The following SLC6A6 variants were observed in gnomAD, a reference collection of about 807,000 sequenced individuals.
The protein encoded by SLC6A6 is sodium- and chloride-dependent taurine transporter.
SLC6A6 carries 16 observed loss-of-function variants against 68.8 expected under a neutral mutation model. That is an observed-to-expected ratio of 0.23 (90% confidence interval 0.16 to 0.35). SLC6A6 has a LOEUF of 0.35. SLC6A6 is among the 10% of genes least tolerant of loss of function. The pLI is 1.00. For synonymous variants in SLC6A6, 312 were observed against 315.4 expected (o/e 0.99, Z 0.12); for missense variants, 474 against 802.8 (o/e 0.59, Z 4.95).
At position 14,466,617 on chromosome 3, in the gene SLC6A6, G is replaced by A. The variant is rs766914573; in HGVS notation, c.834G>A (p.Leu278=). The change falls in exon 7 of 15, where the codon CTG becomes CTA. Residue 278 remains leucine (L), a synonymous_variant. Coordinates refer to ENST00000622186, the MANE Select transcript of SLC6A6 (RefSeq NM_003043.6). ...CGGGCGCAGGCATCAAGTTCTATCT[G>A]TATCCTGACATCACCCGCCTTGAGG... is the stretch of plus-strand genomic sequence containing the variant. The part of the protein sequence containing the change: ...PGAGAGIKFY[L]YPDITRLEDP... 38 of 1,612,556 alleles carry A rather than the reference G, an allele frequency of 2.4e-5. No homozygotes were observed. In the South Asian group the frequency reaches 3.6e-4, roughly 15 times the overall value.
chr3:14,444,028 G>C (rs1325055274), intron 3 of SLC6A6, 165 bp downstream of exon 3: 2 of 606,694 alleles, frequency 3.3e-6, no homozygotes, highest in Admixed American at 2.8e-5. Context: ...CCCACCCTTA[G>C]AGACAGGGGA....
intron 5 of SLC6A6, among the ~76,000 whole-genome samples, chr3:14,454,407 C>CT (rs1345464163): frequency 6.6e-6 from 1 of 152,110 alleles, no homozygotes; most frequent in African/African-American, 2.4e-5. Context: ...CTACAGTTTA[C>CT]TGAGCACGCC....
At chr3:14,410,674 C>T (rs891887982) in intron 1 of SLC6A6, among the ~76,000 whole-genome samples, 7 of 152,216 alleles carry the variant, frequency 4.6e-5, no homozygotes, top group Non-Finnish European at 8.8e-5. Context: ...GGGTCCTTGC[C>T]GACCCAGAGG....
intron 1 of SLC6A6, among the ~76,000 whole-genome samples, chr3:14,410,570 G>C (rs116441806): frequency 0.01 from 1,526 of 152,304 alleles, 34 homozygotes; most frequent in African/African-American, 0.035. Context: ...GAGAAGGGTT[G>C]GGCTGGCAAT....
intron 2 of SLC6A6, among the ~76,000 whole-genome samples, chr3:14,440,467 A>T (rs1283686212): frequency 6.6e-6 from 1 of 152,042 alleles, no homozygotes; most frequent in Non-Finnish European, 1.5e-5. Flanking sequence ...AGATGGGGCC[A>T]GAGGGTCGGC....
intron 2 of SLC6A6, among the ~76,000 whole-genome samples, chr3:14,416,813 T>C (rs1370394381): frequency 1.3e-5 from 2 of 152,220 alleles, no homozygotes; most frequent in Middle Eastern, 3.2e-3. Context: ...ATTCTGAGGA[T>C]TGGGGTCTGA....
At chr3:14,471,267 G>T (rs769448669) in intron 9 of SLC6A6, among the ~76,000 whole-genome samples, 11 of 151,760 alleles carry the variant, frequency 7.2e-5, no homozygotes, top group Non-Finnish European at 1.3e-4. Flanking sequence ...GACAGGAGGA[G>T]ACATTTCTCT....
At position 14,485,168 on chromosome 3, in the gene SLC6A6, G is replaced by T; in HGVS notation, c.*161G>T. On this transcript the variant is annotated 3_prime_UTR_variant, in exon 15 of 15. Coordinates refer to ENST00000622186, the MANE Select transcript of SLC6A6 (RefSeq NM_003043.6). ...TGGGTATGTGTGCGTGCGTGTGTGT[G>T]TGTGTGTGTATCGTGTGTGTGTGTT... is the stretch of plus-strand genomic sequence containing the variant. 1 of 545,796 alleles carries T rather than the reference G, an allele frequency of 1.8e-6. No individual in the cohort carries two copies. Among genetic ancestry groups the T allele is most frequent in the Non-Finnish European group, 3.2e-6 (1 of 313,928 alleles). The allele number at this position is 545,796 out of a possible 1,614,324, so 33.8% of individuals were successfully genotyped here. A position where few individuals can be genotyped will look rare whatever the true frequency, so the allele number is the denominator to read the frequency against.
In SLC6A6 at chr3:14,402,962, G is replaced by C; in HGVS notation, c.-54+115G>C. 1 of 380,954 alleles carries C rather than the reference G, an allele frequency of 2.6e-6. No homozygotes were observed. The highest frequency in any genetic ancestry group is 4.6e-6 in the Non-Finnish European group (1 of 215,204). 23.6% of individuals were successfully genotyped at this position (380,954 alleles called of 1,614,324 possible). A position where few individuals can be genotyped will look rare whatever the true frequency, so the allele number is the denominator to read the frequency against. On this transcript the variant is annotated intron_variant, in intron 1 of 14. Coordinates refer to ENST00000622186, the MANE Select transcript of SLC6A6 (RefSeq NM_003043.6). The surrounding 1 kb of genome is among the most constrained non-coding windows in gnomAD (Gnocchi z 4.8). ...TCCTCCCCTCCGCGTGCGCCCATCC[G>C]GCGCCCCTTTCACCACCGCGGAAGG...
At chr3:14,483,964 G>A (rs1701075021) in intron 14 of SLC6A6, among the ~76,000 whole-genome samples, 1 of 152,150 alleles carries the variant, frequency 6.6e-6, no homozygotes, top group South Asian at 2.1e-4. Flanking sequence ...CGAAAACTGG[G>A]TTTTTAAATG....
At chr3:14,403,671 G>C (rs1465943947) in intron 1 of SLC6A6, among the ~76,000 whole-genome samples, 1 of 152,236 alleles carries the variant, frequency 6.6e-6, no homozygotes, top group Non-Finnish European at 1.5e-5. Flanking sequence ...CAGCCAAGGG[G>C]TAGTGGACAG....
At chr3:14,440,911 C>T (rs930214920) in intron 2 of SLC6A6, among the ~76,000 whole-genome samples, 1 of 152,116 alleles carries the variant, frequency 6.6e-6, no homozygotes, top group Admixed American at 6.5e-5. Flanking sequence ...TGACAGGTCC[C>T]CACTCTGCCC....
intron 2 of SLC6A6, among the ~76,000 whole-genome samples, chr3:14,438,153 C>CT (rs1211898991): frequency 6.6e-6 from 1 of 151,694 alleles, no homozygotes; most frequent in African/African-American, 2.4e-5. Context: ...CCCACTTTTT[C>CT]TTTTTTTAAA....
rs561019508 is a variant in SLC6A6 at position 14,450,351 on chromosome 3, T to C, written c.599+2535T>C. On this transcript the variant is annotated intron_variant, in intron 5 of 14. Coordinates refer to ENST00000622186, the MANE Select transcript of SLC6A6 (RefSeq NM_003043.6). The surrounding 1 kb of genome is among the most constrained non-coding windows in gnomAD (Gnocchi z 4.1). Reference sequence around the variant, plus strand: ...TCCATTCTGAGCACCCCAGCTCCATTTTCTGGCCTGGAAGACACTGAGACA... The same window carrying C: ...TCCATTCTGAGCACCCCAGCTCCATCTTCTGGCCTGGAAGACACTGAGACA... Among the ~76,000 whole-genome samples the C allele has an allele frequency of 6.6e-6, 1 of 152,224 alleles. No individual in the cohort carries two copies. The highest frequency in any genetic ancestry group is 6.5e-5 in the Admixed American group (1 of 15,288).
At chr3:14,424,832 G>A (rs929038448) in intron 2 of SLC6A6, among the ~76,000 whole-genome samples, 1 of 152,152 alleles carries the variant, frequency 6.6e-6, no homozygotes, top group African/African-American at 2.4e-5. Context: ...TGACTCACGT[G>A]GTTTTGGGAG....
chr3:14,451,338 T>C (rs1700247079), intron 5 of SLC6A6, among the ~76,000 whole-genome samples: 1 of 152,252 alleles, frequency 6.6e-6, no homozygotes, highest in Admixed American at 6.5e-5. Flanking sequence ...GAGGAGCATA[T>C]GAGCTGGGCT....
intron 2 of SLC6A6, among the ~76,000 whole-genome samples, chr3:14,424,880 G>C (rs771435781): frequency 6.6e-6 from 1 of 152,132 alleles, no homozygotes; most frequent in East Asian, 1.9e-4. Context: ...ACGGGGACAC[G>C]GCGCTATTGA....
chr3:14,403,181 G>A (rs1441356068), intron 1 of SLC6A6, among the ~76,000 whole-genome samples: 1 of 152,042 alleles, frequency 6.6e-6, no homozygotes, highest in Non-Finnish European at 1.5e-5. Context: ...GTATCCCTGT[G>A]TCTGTGTTTC....
chr3:14,460,503 G>A (rs1700470377), intron 6 of SLC6A6, among the ~76,000 whole-genome samples: 1 of 152,174 alleles, frequency 6.6e-6, no homozygotes, highest in South Asian at 2.1e-4. Context: ...CCAGGTAGAA[G>A]TGACAGCCTG....
Sources: allele counts gnomAD v4.1 joint callset (sites outside exome capture counted in the v4.1 genomes callset), GRCh38; gene constraint gnomAD v4.1.1; non-coding constraint Gnocchi (gnomAD v3.1); transcripts MANE v1.5; gene names NCBI Gene and HGNC (gene_info 2026-07-23, HGNC 2026-07-21).